SCML2: variants seen among roughly 807,000 people sequenced by gnomAD.
SCML2 encodes Scm polycomb group protein like 2, also known as sex comb on midleg-like protein 2.
SCML2 carries 6 observed loss-of-function variants against 48.4 expected under a neutral mutation model. The ratio of observed to expected loss-of-function variants is 0.12; its 90% CI spans 0.07 to 0.24. SCML2 has a LOEUF of 0.24. Among genes scored for constraint, SCML2 ranks in the 10% least tolerant of loss-of-function variants. The pLI, the probability that SCML2 is intolerant of heterozygous loss-of-function variation, is 1.00. For missense variants in SCML2, 377 were observed against 528.2 expected (o/e 0.71, Z 2.81); for synonymous variants, 181 against 189.5 (o/e 0.95, Z 0.37).
At chrX:18,346,035 G>C (rs1930189498) in intron 1 of SCML2, among the ~76,000 whole-genome samples, 1 of 110,725 alleles carries the variant, frequency 9.0e-6, no homozygotes, top group African/African-American at 3.3e-5. Context: ...AAAGTGCCGG[G>C]ATTACAGGCT....
chrX:18,258,994 T>C (rs1183372540), intron 9 of SCML2, among the ~76,000 whole-genome samples: 2 of 111,157 alleles, frequency 1.8e-5, no homozygotes, highest in South Asian at 3.8e-4. Context: ...CTGGGCGCAG[T>C]TGGTCACGCC....
chrX:18,286,229 G>C (rs1928047993), intron 7 of SCML2, among the ~76,000 whole-genome samples: 1 of 111,443 alleles, frequency 9.0e-6, no homozygotes, highest in Non-Finnish European at 1.9e-5. Context: ...CCACTTCTTT[G>C]AGTAACAATA....
At chrX:18,349,723 G>A (rs1011455230) in intron 1 of SCML2, among the ~76,000 whole-genome samples, 1 of 111,883 alleles carries the variant, frequency 8.9e-6, no homozygotes, top group Non-Finnish European at 1.9e-5. Context: ...CTTGAACCTC[G>A]GAGGTGGGGG....
At chrX:18,353,491 T>C (rs1005593655) in intron 1 of SCML2, among the ~76,000 whole-genome samples, 4 of 112,275 alleles carry the variant, frequency 3.6e-5, no homozygotes, top group African/African-American at 1.3e-4. Context: ...AAGCAACTTA[T>C]TCACTTTCCC....
At chrX:18,297,472 TCA>T (rs764246112) in intron 7 of SCML2, among the ~76,000 whole-genome samples, 304 of 111,846 alleles carry the variant, frequency 2.7e-3, no homozygotes, top group African/African-American at 9.3e-3. Flanking sequence ...GGTTACTTCC[TCA>T]CACGACTTTC....
At chrX:18,282,127 A>G (rs1254934739) in intron 7 of SCML2, among the ~76,000 whole-genome samples, 1 of 111,284 alleles carries the variant, frequency 9.0e-6, no homozygotes, top group African/African-American at 3.3e-5. Context: ...CCGTCTCAAA[A>G]AAAACAAAAA....
At chrX:18,270,300 T>C (rs1001359012) in intron 7 of SCML2, among the ~76,000 whole-genome samples, 1 of 111,655 alleles carries the variant, frequency 9.0e-6, no homozygotes, top group South Asian at 3.7e-4. Flanking sequence ...GTGCTGGAAT[T>C]ACAGGCATAA....
At chrX:18,261,912 GC>G (rs1383918543) in intron 8 of SCML2, among the ~76,000 whole-genome samples, 1 of 108,030 alleles carries the variant, frequency 9.3e-6, no homozygotes, top group Non-Finnish European at 1.9e-5. Flanking sequence ...AGAACAATCT[GC>G]CTGATTTTTT....
intron 11 of SCML2, among the ~76,000 whole-genome samples, chrX:18,253,452 T>C (rs1193174637): frequency 9.0e-6 from 1 of 111,596 alleles, no homozygotes; most frequent in Non-Finnish European, 1.9e-5. Flanking sequence ...AGACAAAGAC[T>C]ATAACGCAAT....
intron 7 of SCML2, among the ~76,000 whole-genome samples, chrX:18,304,496 T>C (rs1425852966): frequency 8.9e-6 from 1 of 112,112 alleles, no homozygotes; most frequent in Non-Finnish European, 1.9e-5. Flanking sequence ...ATTTTCACTG[T>C]AGATTTAACT....
chrX:18,344,090 T>C (rs1930123403), intron 1 of SCML2, among the ~76,000 whole-genome samples: 1 of 109,827 alleles, frequency 9.1e-6, no homozygotes, highest in Non-Finnish European at 1.9e-5. Flanking sequence ...TGCCGGCACT[T>C]TGGGAGGCCA....
At chrX:18,320,554 G>A in intron 5 of SCML2, 134 bp from the exon 6 acceptor site, 1 of 388,290 alleles carries the variant, frequency 2.6e-6, no homozygotes. Flanking sequence ...TTTGAACATG[G>A]GCAAGAGGAG....
intron 7 of SCML2, among the ~76,000 whole-genome samples, chrX:18,275,222 T>C (rs1809801358): frequency 8.9e-6 from 1 of 112,622 alleles, no homozygotes; most frequent in South Asian, 3.7e-4. Flanking sequence ...GGGTCACTCA[T>C]ATTCGGCTCA....
At chrX:18,342,086 T>G in intron 1 of SCML2, among the ~76,000 whole-genome samples, 1 of 112,051 alleles carries the variant, frequency 8.9e-6, no homozygotes, top group South Asian at 3.7e-4. Flanking sequence ...TCCACAGTGG[T>G]AGTCTGCAAG....
chrX:18,263,443 T>C (rs1311565017), intron 8 of SCML2, among the ~76,000 whole-genome samples: 1 of 112,147 alleles, frequency 8.9e-6, no homozygotes, highest in Non-Finnish European at 1.9e-5. Context: ...CAGGTTTCCA[T>C]CTGGTCTCAT....
At chrX:18,296,945 A>G (rs1386299205) in intron 7 of SCML2, among the ~76,000 whole-genome samples, 1 of 110,239 alleles carries the variant, frequency 9.1e-6, no homozygotes, top group Non-Finnish European at 1.9e-5. Context: ...GGACACAAGG[A>G]AAAAAAAAGA....
In SCML2 at chrX:18,307,660, T is replaced by G. The variant is rs188041021; in HGVS notation, c.487-2445A>C. On this transcript the variant is annotated intron_variant, in intron 6 of 14. Transcript: ENST00000251900. ...TAAAAAACTGGAATAAGCAATGCAA[T>G]AGAACTAATTTTAAGATTCAAATAT... Among the ~76,000 whole-genome samples the G allele has an allele frequency of 2.9e-3, 319 of 111,651 alleles. 1 individual carries two copies. Among genetic ancestry groups the G allele is most frequent in the Non-Finnish European group, 4.8e-3 (257 of 53,109 alleles).
At chrX:18,305,292 C>A (rs747512290) in intron 6 of SCML2, 77 bp from the exon 7 acceptor site, 3 of 994,638 alleles carry the variant, frequency 3.0e-6, no homozygotes, top group Admixed American at 3.2e-5. Flanking sequence ...TGAAAAGTTG[C>A]GTATTCTCTC....
intron 3 of SCML2, among the ~76,000 whole-genome samples, chrX:18,326,411 C>T (rs766596410): frequency 1.5e-4 from 17 of 109,808 alleles, no homozygotes; most frequent in Admixed American, 5.9e-4. Flanking sequence ...GGGCCAGGTG[C>T]GGTGGCTCTG....
Sources: gnomAD v4.1 joint callset for allele counts (sites outside exome capture counted in the v4.1 genomes callset) on GRCh38, gnomAD v4.1.1 for gene constraint, MANE v1.5 for transcripts, NCBI Gene and HGNC (gene_info 2026-07-23, HGNC 2026-07-21) for gene names.